The following SYNPO2 variants were observed in gnomAD, a reference collection of about 807,000 sequenced individuals.
SYNPO2 encodes synaptopodin-2.
SYNPO2 carries 56 observed loss-of-function variants against 85.0 expected under a neutral mutation model. That is an observed-to-expected ratio of 0.66 (90% CI 0.53 to 0.82). SYNPO2 has a LOEUF of 0.82. SYNPO2 is among the 40% of genes least tolerant of loss of function. SYNPO2 has a pLI of 0.00. For synonymous variants in SYNPO2, 602 were observed against 591.1 expected, an observed-to-expected ratio of 1.02 and a Z score of -0.27; for missense variants, 1,575 against 1,534.2, an observed-to-expected ratio of 1.03 and a Z score of -0.44.
chr4:119,052,557 T>C (rs1053415192), intron 4 of SYNPO2, among the ~76,000 whole-genome samples: 7 of 152,188 alleles, frequency 4.6e-5, no homozygotes, highest in East Asian at 3.9e-4. Flanking sequence ...TACTCCTTTT[T>C]TTCCTCCAAC....
chr4:118,986,446 G>T (rs1210015310), intron 1 of SYNPO2, among the ~76,000 whole-genome samples: 1 of 152,108 alleles, frequency 6.6e-6, no homozygotes, highest in African/African-American at 2.4e-5. Flanking sequence ...ATGTTCTTTG[G>T]GTTAGGTCAC....
chr4:119,057,176 G>A (rs981039483), intron 4 of SYNPO2, among the ~76,000 whole-genome samples: 12 of 152,142 alleles, frequency 7.9e-5, no homozygotes, highest in African/African-American at 2.7e-4. Context: ...AAGTGCAAAA[G>A]GTAAGATCAA....
At position 119,057,501 on chromosome 4, in the gene SYNPO2, C is replaced by A; in HGVS notation, c.3353C>A (p.Pro1118Gln). The A allele has an allele frequency of 6.2e-7, 1 of 1,614,026 alleles. No homozygotes were observed. Among genetic ancestry groups the A allele is most frequent in the Admixed American group, 1.7e-5 (1 of 59,996 alleles). ...CCTACTTATAGTTACTCTAGTAAAC[C>A]AACCGATGGACTAGAGAAAGCAAAC... Reference protein sequence around the residue: ...YQPTYSYSSKPTDGLEKANKR... With the variant: ...YQPTYSYSSKQTDGLEKANKR... The change falls in exon 5 of 5, where the codon CCA becomes CAA. Residue 1118 changes from proline to glutamine, a missense_variant. By Grantham distance (76) the Pro-to-Gln change is moderately conservative. Around this residue, in one of 3 missense-constraint regions of SYNPO2, gnomAD observed 1,508 missense variants for 1,446.8 expected, o/e 1.04. Transcript: ENST00000307142.
rs114451888 is a variant in SYNPO2 at position 118,956,396 on chromosome 4, A to G, written c.106-67034A>G. ...TGTGGTCAACCGTTCCAAAAGTTGC[A>G]GGAAGAAAAAGGAGAATGAGAACAT... On this transcript the variant is annotated intron_variant, in intron 1 of 4. Coordinates refer to ENST00000307142, the MANE Select transcript of SYNPO2 (RefSeq NM_133477.3). Among the ~76,000 whole-genome samples, 525 of 152,350 alleles carry G rather than the reference A, an allele frequency of 3.4e-3. 5 individuals are homozygous for G. Among genetic ancestry groups the G allele is most frequent in the African/African-American group, 0.012 (495 of 41,566 alleles).
chr4:118,973,512 C>A (rs972845385), intron 1 of SYNPO2, among the ~76,000 whole-genome samples: 1 of 152,090 alleles, frequency 6.6e-6, no homozygotes, highest in East Asian at 1.9e-4. Context: ...TCAGGTTTGG[C>A]TAACCACCAT....
intron 1 of SYNPO2, among the ~76,000 whole-genome samples, chr4:118,902,000 G>T (rs568684968): frequency 1.8e-4 from 27 of 150,186 alleles, no homozygotes; most frequent in African/African-American, 5.9e-4. Flanking sequence ...AGGTACAGGA[G>T]CCCTGAGACA....
chr4:118,878,941 C>T (rs10004721), intron 1 of SYNPO2, among the ~76,000 whole-genome samples: 1,949 of 152,210 alleles, frequency 0.013, 40 homozygotes, highest in African/African-American at 0.043. Context: ...TTTTTGGGTC[C>T]GCACTACCTC....
chr4:119,021,644 A>G (rs928985736), intron 1 of SYNPO2, among the ~76,000 whole-genome samples: 3 of 152,196 alleles, frequency 2.0e-5, no homozygotes, highest in African/African-American at 7.2e-5. Flanking sequence ...TCAAAGAAGA[A>G]TTCAATATAA....
intron 1 of SYNPO2, chr4:119,006,232 G>A (rs1205059583): frequency 2.0e-5 from 3 of 152,486 alleles, no homozygotes; most frequent in African/African-American, 7.2e-5. Context: ...TGCTGATGAA[G>A]TTGTTCAAGA....
chr4:119,013,850 C>G (rs1443955750), intron 1 of SYNPO2, among the ~76,000 whole-genome samples: 3 of 152,076 alleles, frequency 2.0e-5, no homozygotes, highest in Non-Finnish European at 1.5e-5. Flanking sequence ...GCAAAATGGA[C>G]CAATAGATTT....
intron 1 of SYNPO2, among the ~76,000 whole-genome samples, chr4:119,011,508 A>G (rs771149672): frequency 6.6e-6 from 1 of 152,140 alleles, no homozygotes; most frequent in Non-Finnish European, 1.5e-5. Flanking sequence ...GATGTCCAAC[A>G]TTCAATGGGA....
intron 1 of SYNPO2, among the ~76,000 whole-genome samples, chr4:119,002,591 T>A (rs1326498364): frequency 1.3e-5 from 2 of 152,182 alleles, no homozygotes; most frequent in Non-Finnish European, 2.9e-5. Flanking sequence ...TCTTCTACCC[T>A]CCTCTAATTT....
intron 4 of SYNPO2, among the ~76,000 whole-genome samples, chr4:119,056,526 A>C (rs997011442): frequency 6.6e-6 from 1 of 152,174 alleles, no homozygotes; most frequent in African/African-American, 2.4e-5. Flanking sequence ...TCTGCACTCC[A>C]GCCTGGGCAA....
intron 1 of SYNPO2, among the ~76,000 whole-genome samples, chr4:118,970,597 A>G (rs1304031081): frequency 6.6e-6 from 1 of 152,246 alleles, no homozygotes; most frequent in East Asian, 1.9e-4. Flanking sequence ...TATGATAGAA[A>G]GATAAATATA....
rs1736096518 is a variant in SYNPO2, at chr4:118,983,246, T to A, written c.106-40184T>A. Among the ~76,000 whole-genome samples, 3 of 152,122 alleles carry A rather than the reference T, an allele frequency of 2.0e-5. No individual in the cohort carries two copies. The South Asian group carries it at 6.2e-4, about 31-fold the overall frequency. ...ATCAAACATCTCCCTACCTCCACCC[T>A]TTTCTTTTCAACCTTTTCCTCTGTA... is the stretch of plus-strand genomic sequence containing the variant. On this transcript the variant is annotated intron_variant, in intron 1 of 4. Coordinates refer to ENST00000307142, the MANE Select transcript of SYNPO2 (RefSeq NM_133477.3).
At chr4:118,961,342 T>C (rs1490511) in intron 1 of SYNPO2, among the ~76,000 whole-genome samples, 119,410 of 152,066 alleles carry the variant, frequency 0.79, 47,461 homozygotes, top group South Asian at 0.89. Context: ...GCCTCATCTC[T>C]GGCTTTTCCT....
chr4:118,891,381 A>G (rs1309753402), intron 1 of SYNPO2, among the ~76,000 whole-genome samples: 1 of 152,200 alleles, frequency 6.6e-6, no homozygotes, highest in Non-Finnish European at 1.5e-5. Flanking sequence ...TCTACAGTCT[A>G]CCTTTTGTCC....
chr4:118,885,036 A>G (rs1732173795), upstream of SYNPO2, among the ~76,000 whole-genome samples: 1 of 152,222 alleles, frequency 6.6e-6, no homozygotes, highest in Non-Finnish European at 1.5e-5. Flanking sequence ...AGGAGAAATT[A>G]TTAGGTGATT....
chr4:119,033,502 C>A, intron 4 of SYNPO2: 1 of 985,270 alleles, frequency 1.0e-6, no homozygotes, highest in Non-Finnish European at 1.2e-6. Flanking sequence ...GGAAAATATT[C>A]GACATGAATT....
Sources: gnomAD v4.1 joint callset for allele counts (sites outside exome capture counted in the v4.1 genomes callset) on GRCh38, gnomAD v4.1.1 for gene constraint, gnomAD v4.1.1 regional missense constraint, MANE v1.5 for transcripts, NCBI Gene and HGNC (gene_info 2026-07-23, HGNC 2026-07-21) for gene names.